FAM193A: variants seen among roughly 807,000 people sequenced by gnomAD.
FAM193A encodes the protein family with sequence similarity 193 member A.
Under a neutral mutation model 126.5 loss-of-function variants are expected in FAM193A, and 22 were observed. That is an observed-to-expected ratio of 0.17 (90% CI 0.12 to 0.25). FAM193A has a LOEUF of 0.25. Ranked by LOEUF, FAM193A falls within the 10% of genes least tolerant of loss-of-function variation. The pLI is 1.00. For synonymous variants in FAM193A, 761 were observed against 646.8 expected (o/e 1.18, Z -2.68); for missense variants, 1,675 against 1,672.8 (o/e 1.00, Z -0.02).
intron 5 of FAM193A, among the ~76,000 whole-genome samples, chr4:2,634,737 A>C (rs540486653): frequency 6.6e-6 from 1 of 152,344 alleles, no homozygotes; most frequent in South Asian, 2.1e-4. Flanking sequence ...CCCAAGTAAG[A>C]TGTTGAAAAA....
At chr4:2,731,229 T>C (rs1474173585) in intron 20 of FAM193A, among the ~76,000 whole-genome samples, 3 of 115,072 alleles carry the variant, frequency 2.6e-5, no homozygotes, top group Admixed American at 8.4e-5. Flanking sequence ...AAAAAACCGG[T>C]GTGGTGGTAC....
chr4:2,624,890 C>CT lies in FAM193A; in HGVS notation c.502-371dup, dbSNP rs561297094. Among the ~76,000 whole-genome samples the CT allele has an allele frequency of 3.0e-4, 46 of 152,284 alleles. No homozygotes were observed. In the South Asian group the frequency reaches 9.3e-3, roughly 31 times the overall value. ...TGTGTGTGTCTGTGTGACAATGTCT[C>CT]TGTCACCCAGACAGGAGTGCAGTGG... On this transcript the variant is annotated intron_variant, in intron 2 of 20. Transcript: ENST00000637812.
chr4:2,566,724 G>A (rs1176567739), intron 1 of FAM193A, among the ~76,000 whole-genome samples: 3 of 151,692 alleles, frequency 2.0e-5, no homozygotes, highest in Non-Finnish European at 4.4e-5. Flanking sequence ...TGTCTCCATT[G>A]TGTGTGTGTG....
At chr4:2,681,574 T>C (rs1017287406) in intron 13 of FAM193A, among the ~76,000 whole-genome samples, 2 of 151,896 alleles carry the variant, frequency 1.3e-5, no homozygotes, top group Non-Finnish European at 2.9e-5. Context: ...ACCCATAGTC[T>C]CGTAGCTTGG....
At chr4:2,692,702 G>T (rs1716539229) in intron 15 of FAM193A, among the ~76,000 whole-genome samples, 1 of 152,210 alleles carries the variant, frequency 6.6e-6, no homozygotes. Flanking sequence ...AAAAGGGTTG[G>T]AAGAGGCTGG....
intron 6 of FAM193A, among the ~76,000 whole-genome samples, chr4:2,642,177 A>G (rs181913483): frequency 0.025 from 3,577 of 145,998 alleles, 201 homozygotes; most frequent in African/African-American, 0.087. Context: ...GGTGGCGGGC[A>G]CCTGAAGTCC....
intron 19 of FAM193A, among the ~76,000 whole-genome samples, chr4:2,710,121 A>G (rs2109347534): frequency 6.9e-6 from 1 of 145,748 alleles, no homozygotes; most frequent in South Asian, 2.2e-4. Flanking sequence ...GTTTTTTAAA[A>G]TCATCTGAGT....
intron 13 of FAM193A, among the ~76,000 whole-genome samples, chr4:2,688,794 G>A (rs530116778): frequency 6.6e-6 from 1 of 152,386 alleles, no homozygotes; most frequent in East Asian, 1.9e-4. Context: ...TCAGCAGCCA[G>A]GGCCTGTTGC....
Position 2,716,116 on chromosome 4 carries a change from G to A in FAM193A, c.4454+12G>A. 6.5e-7 allele frequency: 1 copy of A among 1,545,960 alleles called. No individual in the cohort carries two copies. Among genetic ancestry groups the A allele is most frequent in the Non-Finnish European group, 8.9e-7 (1 of 1,117,622 alleles). ...GAATATTTCAAAAGGTAAATGTGGA[G>A]GCTGTGTCTGAAACCGTGGTGACTG... On this transcript the variant is annotated intron_variant, in intron 20 of 20. Transcript: ENST00000637812.
intron 20 of FAM193A, among the ~76,000 whole-genome samples, chr4:2,719,752 A>AT (rs1184505308): frequency 6.6e-6 from 1 of 150,506 alleles, no homozygotes; most frequent in Admixed American, 6.6e-5. Context: ...AAAAAAAAAA[A>AT]AAAAAATCCT....
In FAM193A at chr4:2,700,438, T is replaced by C. The variant is rs1264540341; in HGVS notation, c.4266T>C (p.Gly1422=). 3.7e-6 allele frequency: 6 copies of C among 1,614,012 alleles called. No individual in the cohort carries two copies. Among genetic ancestry groups the C allele is most frequent in the Non-Finnish European group, 5.1e-6 (6 of 1,180,044 alleles). ...NPTPMEPTSP[G]EHQQNSKLVL... is the part of the protein sequence containing the mutation. ...CCCCTATGGAGCCCACCTCTCCCGG[T>C]GAGCATCAGCAGAACAGCAAGCTGG... is the stretch of plus-strand genomic sequence containing the variant. Residue 1422 remains glycine, a synonymous_variant, in exon 19 of 21, where the codon GGT becomes GGC. Coordinates refer to ENST00000637812, the MANE Select transcript of FAM193A (RefSeq NM_001366318.2).
intron 13 of FAM193A, among the ~76,000 whole-genome samples, chr4:2,678,333 C>A (rs1268564479): frequency 6.7e-6 from 1 of 148,336 alleles, no homozygotes; most frequent in East Asian, 2.0e-4. Context: ...GGTTAATTCC[C>A]GTTGGTGTTT....
At chr4:2,555,091 C>A (rs1344112311) in intron 1 of FAM193A, among the ~76,000 whole-genome samples, 3 of 152,050 alleles carry the variant, frequency 2.0e-5, no homozygotes, top group Non-Finnish European at 4.4e-5. Context: ...GGCCTAATAA[C>A]TAATTTAATA....
chr4:2,686,689 T>C (rs1715779162), intron 13 of FAM193A, among the ~76,000 whole-genome samples: 2 of 152,132 alleles, frequency 1.3e-5, no homozygotes. Flanking sequence ...GGTCGTGTCT[T>C]GAGGAGTCCA....
intron 9 of FAM193A, 51 bp downstream of exon 9, chr4:2,659,721 G>C: frequency 6.2e-7 from 1 of 1,610,028 alleles, no homozygotes; most frequent in Non-Finnish European, 8.5e-7. Flanking sequence ...ACCTTCACTG[G>C]GCTGAGTGGA....
intron 12 of FAM193A, among the ~76,000 whole-genome samples, chr4:2,670,379 G>T (rs1713651435): frequency 6.6e-6 from 1 of 151,754 alleles, no homozygotes; most frequent in Admixed American, 6.6e-5. Context: ...CAGCTGCTTT[G>T]ACATCTTTGT....
chr4:2,717,994 A>G (rs544925466), intron 20 of FAM193A, among the ~76,000 whole-genome samples: 34 of 152,332 alleles, frequency 2.2e-4, no homozygotes, highest in African/African-American at 7.9e-4. Flanking sequence ...AAAGATAATT[A>G]AAACATTGCA....
intron 1 of FAM193A, among the ~76,000 whole-genome samples, chr4:2,594,717 A>G (rs1740752472): frequency 6.6e-6 from 1 of 151,928 alleles, no homozygotes; most frequent in African/African-American, 2.4e-5. Context: ...TACGGGTTAA[A>G]AATCCTGTGT....
At chr4:2,661,522 G>A (rs1479574536) in intron 10 of FAM193A, among the ~76,000 whole-genome samples, 2 of 152,132 alleles carry the variant, frequency 1.3e-5, no homozygotes, top group Non-Finnish European at 2.9e-5. Context: ...ATGAGCATTG[G>A]CCCAGGCAGC....
Sources: allele counts gnomAD v4.1 joint callset (sites outside exome capture counted in the v4.1 genomes callset), GRCh38; gene constraint gnomAD v4.1.1; transcripts MANE v1.5; gene names NCBI Gene and HGNC (gene_info 2026-07-23, HGNC 2026-07-21).